The following KLHDC7B variants were observed in gnomAD, a reference collection of about 807,000 sequenced individuals.
KLHDC7B encodes kelch domain containing 7B.
KLHDC7B carries 1 observed loss-of-function variant against 0.6 expected under a neutral mutation model. The ratio of observed to expected loss-of-function variants is 1.71; its 90% confidence interval spans 0.61 to 8.11. KLHDC7B has a LOEUF of 8.11. Among genes scored for constraint, KLHDC7B ranks in the 30% most tolerant of loss-of-function variants. KLHDC7B has a pLI of 0.13. For missense variants in KLHDC7B, 993 were observed against 894.9 expected (o/e 1.11, Z -1.40); for synonymous variants, 462 against 405.2 (o/e 1.14, Z -1.68).
In KLHDC7B at chr22:50,550,215, C is replaced by G; in HGVS notation, c.*264C>G. Reference sequence around the variant, plus strand: ...TACAGACCCTCTCAGCTTGCTGACACCCCCCTGTCTGTGGGACTCCCTATT... The same window carrying G: ...TACAGACCCTCTCAGCTTGCTGACAGCCCCCTGTCTGTGGGACTCCCTATT... On this transcript the variant is annotated 3_prime_UTR_variant, in exon 1 of 1. Transcript: ENST00000648057. 1 of 446,978 alleles carries G rather than the reference C, an allele frequency of 2.2e-6. No individual in the cohort carries two copies. Among genetic ancestry groups the G allele is most frequent in the South Asian group, 5.5e-5 (1 of 18,032 alleles). The allele number at this position is 446,978 out of a possible 1,614,324, so 27.7% of individuals were successfully genotyped here. A position where few individuals can be genotyped will look rare whatever the true frequency, so the allele number is the denominator to read the frequency against.
chr22:50,547,508 C>T lies in KLHDC7B; in HGVS notation c.1265C>T (p.Pro422Leu). The change falls in exon 1 of 1, where the codon CCG becomes CTG. Residue 422 changes from proline to leucine, a missense_variant. Physicochemically the swap from Pro to Leu is moderately conservative, Grantham distance 98 (BLOSUM62 -3). Coordinates refer to ENST00000648057, the MANE Select transcript of KLHDC7B (RefSeq NM_138433.5). The part of the protein sequence containing the change: ...SREPRPRSAS[P>L]PAAPGPGFPP... ...GAGCCTCGCCCGCGCTCCGCCTCCCCGCCCGCAGCTCCCGGCCCGGGGTTC... is the reference window on the plus strand; with the variant it reads ...GAGCCTCGCCCGCGCTCCGCCTCCCTGCCCGCAGCTCCCGGCCCGGGGTTC... 5.0e-6 allele frequency: 2 copies of T among 396,666 alleles called. No homozygotes were observed. Among genetic ancestry groups the T allele is most frequent in the Non-Finnish European group, 8.9e-6 (2 of 224,882 alleles). 24.6% of individuals were successfully genotyped at this position (396,666 alleles called of 1,614,324 possible). A position where few individuals can be genotyped will look rare whatever the true frequency, so the allele number is the denominator to read the frequency against.
rs562962568 is a variant in KLHDC7B, at chr22:50,550,010, G to A, written c.*59G>A. 5.6e-6 allele frequency: 8 copies of A among 1,432,888 alleles called. No homozygotes were observed. The East Asian group carries it at 7.6e-5, about 14-fold the overall frequency. The allele number at this position is 1,432,888 out of a possible 1,614,324, so 88.8% of individuals were successfully genotyped here. ...TCTCCAGGGAGACCCTCCTGGGATG[G>A]GCCTGAGAGGCCGGGGCTCAGGGAA... On this transcript the variant is annotated 3_prime_UTR_variant, in exon 1 of 1. Coordinates refer to ENST00000648057, the MANE Select transcript of KLHDC7B (RefSeq NM_138433.5).
Position 50,546,615 on chromosome 22 carries a change from C to T in KLHDC7B, c.372C>T (p.Leu124=), listed in dbSNP as rs918399395. 3 of 397,252 alleles carry T rather than the reference C, an allele frequency of 7.6e-6. No homozygotes were observed. Among genetic ancestry groups the T allele is most frequent in the Non-Finnish European group, 1.3e-5 (3 of 225,404 alleles). 24.6% of individuals were successfully genotyped at this position (397,252 alleles called of 1,614,324 possible). ...TGGCCGCCATGGCCCGGCTTCCACT[C>T]AAGACGGCTGTCGAGGAGGCCCGCA... The part of the protein sequence containing the change: ...GGLAAMARLP[L]KTAVEEARRE... The change falls in exon 1 of 1, where the codon CTC becomes CTT. Residue 124 remains leucine, a synonymous_variant. Coordinates refer to ENST00000648057, the MANE Select transcript of KLHDC7B (RefSeq NM_138433.5).
In KLHDC7B at chr22:50,547,657, T is replaced by C; in HGVS notation, c.1414T>C (p.Leu472=). The C allele has an allele frequency of 2.4e-6, 1 of 409,176 alleles. No individual in the cohort carries two copies. Among genetic ancestry groups the C allele is most frequent in the Non-Finnish European group, 4.3e-6 (1 of 232,250 alleles). 25.3% of individuals were successfully genotyped at this position (409,176 alleles called of 1,614,324 possible). A position where few individuals can be genotyped will look rare whatever the true frequency, so the allele number is the denominator to read the frequency against. The change falls in exon 1 of 1, where the codon TTA becomes CTA. Residue 472 remains leucine (L), a synonymous_variant. Coordinates refer to ENST00000648057, the MANE Select transcript of KLHDC7B (RefSeq NM_138433.5). ...CCCAAGTTCAGCCTCAGCCCAAGTC[T>C]TAACTTCAGCTCCAGCCTCAGTCCT... The part of the protein sequence containing the change: ...PAPSSASAQV[L]TSAPASVLAP...
At position 50,549,630 on chromosome 22, in the gene KLHDC7B, C is replaced by T. The variant is rs766628610; in HGVS notation, c.3387C>T (p.Ile1129=). Reference sequence around the variant, plus strand: ...CCAGCCACCGGCGTTCCAGCGACATCGTGGCACTGGGGGGCTTCCTGTACC... The same window carrying T: ...CCAGCCACCGGCGTTCCAGCGACATTGTGGCACTGGGGGGCTTCCTGTACC... ...YSASHRRSSD[I]VALGGFLYRF... The change falls in exon 1 of 1, where the codon ATC becomes ATT. Residue 1129 remains isoleucine, a synonymous_variant. Transcript: ENST00000648057. 1.3e-5 allele frequency: 21 copies of T among 1,558,042 alleles called. No individual in the cohort carries two copies. In the South Asian group the frequency reaches 1.8e-4, roughly 13 times the overall value.
Position 50,547,122 on chromosome 22 carries a change from T to A in KLHDC7B, c.879T>A (p.Ala293=), listed in dbSNP as rs2069738796. 6.7e-6 allele frequency among the ~76,000 whole-genome samples: 1 copy of A among 149,682 alleles called. No individual in the cohort carries two copies. The highest frequency in any genetic ancestry group is 2.1e-4 in the South Asian group (1 of 4,732). ...AGCCCGCACTCCCGGCGCTGCCCGC[T>A]CCCCGCGCCCTGCAGCCTGGGTCTC... is the stretch of plus-strand genomic sequence containing the variant. The part of the protein sequence containing the change: ...AQEPALPALP[A]PRALQPGSQT... Residue 293 remains alanine, a synonymous_variant, in exon 1 of 1, where the codon GCT becomes GCA. Coordinates refer to ENST00000648057, the MANE Select transcript of KLHDC7B (RefSeq NM_138433.5).
chr22:50,547,386 A>G lies in KLHDC7B; in HGVS notation c.1143A>G (p.Arg381=), dbSNP rs1480259773. Residue 381 remains arginine, a synonymous_variant, in exon 1 of 1, where the codon CGA becomes CGG. Coordinates refer to ENST00000648057, the MANE Select transcript of KLHDC7B (RefSeq NM_138433.5). ...GCGAGGCCGGGGCTGACAGCTCCCGAGATAACAGTCCTGCCGCTGACCTGG... is the reference window on the plus strand; with the variant it reads ...GCGAGGCCGGGGCTGACAGCTCCCGGGATAACAGTCCTGCCGCTGACCTGG... The part of the protein sequence containing the change: ...DAGEAGADSS[R]DNSPAADLGP... Among the ~76,000 whole-genome samples, 1 of 151,674 alleles carries G rather than the reference A, an allele frequency of 6.6e-6. No homozygotes were observed. Among genetic ancestry groups the G allele is most frequent in the African/African-American group, 2.4e-5 (1 of 41,244 alleles).
chr22:50,546,534 G>A lies in KLHDC7B; in HGVS notation c.291G>A (p.Glu97=). 2.5e-6 allele frequency: 1 copy of A among 398,888 alleles called. No individual in the cohort carries two copies. Among genetic ancestry groups the A allele is most frequent in the Non-Finnish European group, 4.4e-6 (1 of 226,086 alleles). 24.7% of individuals were successfully genotyped at this position (398,888 alleles called of 1,614,324 possible). ...AGAGCCCAGGGCAGGGGAAACCAGA[G>A]CCCCCAGGACGCGGCCAGCAGAGCC... ...EGQSPGQGKP[E]PPGRGQQSPV... is the part of the protein sequence containing the mutation. The change falls in exon 1 of 1, where the codon GAG becomes GAA. Residue 97 remains glutamate, a synonymous_variant. Coordinates refer to ENST00000648057, the MANE Select transcript of KLHDC7B (RefSeq NM_138433.5).
In KLHDC7B at chr22:50,548,823, C is replaced by T; in HGVS notation, c.2580C>T (p.Asp860=). The T allele has an allele frequency of 6.6e-7, 1 of 1,521,398 alleles. No homozygotes were observed. The highest frequency in any genetic ancestry group is 1.2e-5 in the South Asian group (1 of 81,984). The allele number at this position is 1,521,398 out of a possible 1,614,324, so 94.2% of individuals were successfully genotyped here. ...ATAAALRRRL[D]LGSCLDVLAF... ...CGGCAGCCCTGCGGCGGCGGCTGGACCTGGGCAGTTGCCTGGACGTGCTGG... is the reference window on the plus strand; with the variant it reads ...CGGCAGCCCTGCGGCGGCGGCTGGATCTGGGCAGTTGCCTGGACGTGCTGG... The change falls in exon 1 of 1, where the codon GAC becomes GAT. Residue 860 remains aspartate, a synonymous_variant. Transcript: ENST00000648057. The surrounding 1 kb of genome is among the most constrained non-coding windows in gnomAD (Gnocchi z 5.3).
In KLHDC7B at chr22:50,550,076, CT is replaced by C. The variant is rs1324740973; in HGVS notation, c.*128del. 9.8e-7 allele frequency: 1 copy of C among 1,020,128 alleles called. No individual in the cohort carries two copies. The highest frequency in any genetic ancestry group is 1.6e-5 in the African/African-American group (1 of 61,032). 63.2% of individuals were successfully genotyped at this position (1,020,128 alleles called of 1,614,324 possible). ...ACTTCCTGCTCTTGTTTCTGGACAA[CT>C]TTCCCCTTCTGCTTTAAAGGTTGTC... On this transcript the variant is annotated 3_prime_UTR_variant, in exon 1 of 1. Coordinates refer to ENST00000648057, the MANE Select transcript of KLHDC7B (RefSeq NM_138433.5).
chr22:50,548,359 C>T lies in KLHDC7B; in HGVS notation c.2116C>T (p.Pro706Ser), dbSNP rs907907165. Residue 706 changes from proline (P) to serine (S), a missense_variant, in exon 1 of 1, where the codon CCA becomes TCA. Coordinates refer to ENST00000648057, the MANE Select transcript of KLHDC7B (RefSeq NM_138433.5). The surrounding 1 kb of genome is among the most constrained non-coding windows in gnomAD (Gnocchi z 5.3). ...GLVEAGGQPQPRSSETNGSPS... is the reference protein window; with the variant it reads ...GLVEAGGQPQSRSSETNGSPS... ...GGTTGAGGCTGGAGGTCAGCCACAGCCAAGAAGCTCCGAGACCAACGGATC... is the reference window on the plus strand; with the variant it reads ...GGTTGAGGCTGGAGGTCAGCCACAGTCAAGAAGCTCCGAGACCAACGGATC... The T allele has an allele frequency of 1.3e-6, 2 of 1,551,174 alleles. No individual in the cohort carries two copies. The highest frequency in any genetic ancestry group is 3.9e-5 in the Admixed American group (2 of 50,986).
In KLHDC7B at chr22:50,548,742, G is replaced by T. The variant is rs915909536; in HGVS notation, c.2499G>T (p.Trp833Cys). ...LMVFLQRPGG[W>C]GVVEGPRKPS... is the part of the protein sequence containing the mutation. ...TGTTTCTGCAGAGGCCCGGGGGTTG[G>T]GGGGTGGTGGAGGGGCCCCGGAAGC... Residue 833 changes from tryptophan (W) to cysteine (C), a missense_variant, in exon 1 of 1, where the codon TGG becomes TGT. Trp to Cys is a radical substitution (Grantham distance 215). Coordinates refer to ENST00000648057, the MANE Select transcript of KLHDC7B (RefSeq NM_138433.5). This position sits in a 1 kb window ranked among gnomAD's most constrained non-coding sequence, Gnocchi z 5.3. 2.0e-6 allele frequency: 3 copies of T among 1,465,102 alleles called. No individual in the cohort carries two copies. Among genetic ancestry groups the T allele is most frequent in the East Asian group, 2.7e-5 (1 of 37,684 alleles). The allele number at this position is 1,465,102 out of a possible 1,614,324, so 90.8% of individuals were successfully genotyped here. A position where few individuals can be genotyped will look rare whatever the true frequency, so the allele number is the denominator to read the frequency against.
In KLHDC7B at chr22:50,550,102, C is replaced by T. The variant is rs1192922981; in HGVS notation, c.*151C>T. The T allele has an allele frequency of 7.2e-6, 6 of 838,988 alleles. No individual in the cohort carries two copies. The highest frequency in any genetic ancestry group is 1.1e-5 in the Non-Finnish European group (6 of 560,946). 52.0% of individuals were successfully genotyped at this position (838,988 alleles called of 1,614,324 possible). A position where few individuals can be genotyped will look rare whatever the true frequency, so the allele number is the denominator to read the frequency against. Reference sequence around the variant, plus strand: ...TTTCCCCTTCTGCTTTAAAGGTTGTCGATTATTTTGAAGCCCAGACTCCCT... The same window carrying T: ...TTTCCCCTTCTGCTTTAAAGGTTGTTGATTATTTTGAAGCCCAGACTCCCT... On this transcript the variant is annotated 3_prime_UTR_variant, in exon 1 of 1. Coordinates refer to ENST00000648057, the MANE Select transcript of KLHDC7B (RefSeq NM_138433.5).
In KLHDC7B at chr22:50,549,543, C is replaced by A. The variant is rs762286532; in HGVS notation, c.3300C>A (p.Leu1100=). Residue 1100 remains leucine (L), a synonymous_variant, in exon 1 of 1, where the codon CTC becomes CTA. Coordinates refer to ENST00000648057, the MANE Select transcript of KLHDC7B (RefSeq NM_138433.5). ...RGDIYVTGGH[L]FYRLLRYSPV... ...ACATCTACGTCACCGGGGGTCACCT[C>A]TTCTACCGCCTGCTCAGGTACAGCC... The A allele has an allele frequency of 1.0e-5, 16 of 1,601,614 alleles. No individual in the cohort carries two copies. In the African/African-American group the frequency reaches 1.9e-4, roughly 19 times the overall value.
At position 50,549,445 on chromosome 22, in the gene KLHDC7B, G is replaced by C; in HGVS notation, c.3202G>C (p.Ala1068Pro). The change falls in exon 1 of 1, where the codon GCC (alanine) becomes CCC (proline). Residue 1068 changes from alanine to proline, a missense_variant. By Grantham distance (27) the Ala-to-Pro change is conservative (BLOSUM62 -1). Coordinates refer to ENST00000648057, the MANE Select transcript of KLHDC7B (RefSeq NM_138433.5). Reference sequence around the variant, plus strand: ...GGAGTGCTACGACCCGCGAACAGACGCCTGGACCCCACGCGCGCCACTCCC... The same window carrying C: ...GGAGTGCTACGACCCGCGAACAGACCCCTGGACCCCACGCGCGCCACTCCC... ...SMECYDPRTD[A>P]WTPRAPLPAG... is the part of the protein sequence containing the mutation. The C allele has an allele frequency of 1.2e-6, 2 of 1,612,672 alleles. No homozygotes were observed. The highest frequency in any genetic ancestry group is 2.2e-5 in the South Asian group (2 of 91,076).
chr22:50,548,641 C>A lies in KLHDC7B; in HGVS notation c.2398C>A (p.Pro800Thr). ...AASGDPQGEA[P>T]GEGGSPAGRS... ...CTCGGGGGACCCTCAAGGGGAGGCG[C>A]CGGGGGAGGGGGGCAGCCCTGCCGG... Residue 800 changes from proline to threonine, a missense_variant, in exon 1 of 1, where the codon CCG becomes ACG. Physicochemically the swap from Pro to Thr is conservative, Grantham distance 38. Coordinates refer to ENST00000648057, the MANE Select transcript of KLHDC7B (RefSeq NM_138433.5). This position sits in a 1 kb window ranked among gnomAD's most constrained non-coding sequence, Gnocchi z 5.3. 1 of 1,533,118 alleles carries A rather than the reference C, an allele frequency of 6.5e-7. No individual in the cohort carries two copies. Among genetic ancestry groups the A allele is most frequent in the Non-Finnish European group, 8.8e-7 (1 of 1,140,020 alleles). The allele number at this position is 1,533,118 out of a possible 1,614,324, so 95.0% of individuals were successfully genotyped here. A position where few individuals can be genotyped will look rare whatever the true frequency, so the allele number is the denominator to read the frequency against.
In KLHDC7B at chr22:50,548,490, C is replaced by G. The variant is rs1217436143; in HGVS notation, c.2247C>G (p.Pro749=). 1 of 1,566,910 alleles carries G rather than the reference C, an allele frequency of 6.4e-7. No individual in the cohort carries two copies. Among genetic ancestry groups the G allele is most frequent in the Non-Finnish European group, 8.7e-7 (1 of 1,155,888 alleles). ...TGCCCAGGGGCCCCGCACAGCCCCC[C>G]GCGCAGAGGCCGCCTGGCCCCGCGG... ...AAMPRGPAQP[P]AQRPPGPAAS... is the part of the protein sequence containing the mutation. The change falls in exon 1 of 1, where the codon CCC becomes CCG. Residue 749 remains proline (P), a synonymous_variant. Transcript: ENST00000648057. This position sits in a 1 kb window ranked among gnomAD's most constrained non-coding sequence, Gnocchi z 5.3.
At position 50,548,073 on chromosome 22, in the gene KLHDC7B, C is replaced by T; in HGVS notation, c.1830C>T (p.Ala610=). Residue 610 remains alanine (A), a synonymous_variant, in exon 1 of 1, where the codon GCC becomes GCT. Coordinates refer to ENST00000648057, the MANE Select transcript of KLHDC7B (RefSeq NM_138433.5). This position sits in a 1 kb window ranked among gnomAD's most constrained non-coding sequence, Gnocchi z 5.3. The part of the protein sequence containing the change: ...APTPTPAASP[A]PADGSKPQES... ...CCCCAACCCCAGCCGCATCCCCTGCCCCAGCTGACGGGTCAAAGCCTCAGG... is the reference window on the plus strand; with the variant it reads ...CCCCAACCCCAGCCGCATCCCCTGCTCCAGCTGACGGGTCAAAGCCTCAGG... 1.4e-6 allele frequency: 2 copies of T among 1,414,296 alleles called. No individual in the cohort carries two copies. The highest frequency in any genetic ancestry group is 1.6e-5 in the South Asian group (1 of 64,086). 87.6% of individuals were successfully genotyped at this position (1,414,296 alleles called of 1,614,324 possible). A position where few individuals can be genotyped will look rare whatever the true frequency, so the allele number is the denominator to read the frequency against.
Position 50,548,406 on chromosome 22 carries a change from A to G in KLHDC7B, c.2163A>G (p.Pro721=). The G allele has an allele frequency of 1.9e-6, 3 of 1,559,760 alleles. No homozygotes were observed. The highest frequency in any genetic ancestry group is 2.6e-6 in the Non-Finnish European group (3 of 1,151,666). Residue 721 remains proline (P), a synonymous_variant, in exon 1 of 1, where the codon CCA becomes CCG. Coordinates refer to ENST00000648057, the MANE Select transcript of KLHDC7B (RefSeq NM_138433.5). This position sits in a 1 kb window ranked among gnomAD's most constrained non-coding sequence, Gnocchi z 5.3. ...GATCGCCCAGCCCAGACCCTCCCCCAGGCCTAAGAGGAGAGGGAACCAGGG... is the reference window on the plus strand; with the variant it reads ...GATCGCCCAGCCCAGACCCTCCCCCGGGCCTAAGAGGAGAGGGAACCAGGG... ...TNGSPSPDPP[P]GLRGEGTREK... is the part of the protein sequence containing the mutation.
Sources: allele counts gnomAD v4.1 joint callset (sites outside exome capture counted in the v4.1 genomes callset), GRCh38; gene constraint gnomAD v4.1.1; non-coding constraint Gnocchi (gnomAD v3.1); transcripts MANE v1.5; gene names NCBI Gene and HGNC (gene_info 2026-07-23, HGNC 2026-07-21).